Variants in NRXN1 observed in about 807,000 individuals in gnomAD.
NRXN1 encodes neurexin-1.
A neutral mutation model predicts 150.9 loss-of-function variants in NRXN1; 39 were observed. The ratio of observed to expected loss-of-function variants is 0.26; its 90% CI spans 0.20 to 0.34. NRXN1 has a LOEUF of 0.34. Ranked by LOEUF, NRXN1 falls within the 10% of genes least tolerant of loss-of-function variation. NRXN1 has a pLI of 1.00. For synonymous variants in NRXN1, 924 were observed against 757.0 expected (o/e 1.22, Z -3.62); for missense variants, 1,815 against 1,949.9 (o/e 0.93, Z 1.30).
chr2:50,867,164 C>G lies in NRXN1; in HGVS notation c.832+54705G>C, dbSNP rs528847153. Among the ~76,000 whole-genome samples the G allele has an allele frequency of 4.6e-5, 7 of 151,798 alleles. No individual in the cohort carries two copies. In the South Asian group the frequency reaches 1.2e-3, roughly 27 times the overall value. On this transcript the variant is annotated intron_variant, in intron 5 of 22. Coordinates refer to ENST00000401669, the MANE Select transcript of NRXN1 (RefSeq NM_001330078.2). ...TGTTTTTTCACTTGATGCATAAAAC[C>G]CCTAACAGATACAGAATATATTCTT...
intron 12 of NRXN1, among the ~76,000 whole-genome samples, chr2:50,523,246 G>A (rs868378574): frequency 2.0e-5 from 3 of 152,052 alleles, no homozygotes; most frequent in Non-Finnish European, 1.5e-5. Context: ...AAAAAACAAC[G>A]AGACTTCTGT....
At chr2:50,217,053 G>A (rs927148591) in intron 18 of NRXN1, among the ~76,000 whole-genome samples, 1 of 151,912 alleles carries the variant, frequency 6.6e-6, no homozygotes, top group African/African-American at 2.4e-5. Flanking sequence ...CTGTGATCGT[G>A]GTAAAACACC....
chr2:50,320,286 A>ACG (rs2075926563), intron 17 of NRXN1, among the ~76,000 whole-genome samples: 1 of 53,078 alleles, frequency 1.9e-5, no homozygotes, highest in Non-Finnish European at 3.9e-5. Flanking sequence ...CCTCAATCAT[A>ACG]TATATATATA....
chr2:50,377,143 G>C (rs1200409404), intron 17 of NRXN1, among the ~76,000 whole-genome samples: 2 of 151,966 alleles, frequency 1.3e-5, no homozygotes, highest in Non-Finnish European at 2.9e-5. Context: ...GTGCAGGTTT[G>C]TTATGAAGGC....
chr2:50,288,106 T>C (rs2072432682), intron 17 of NRXN1, among the ~76,000 whole-genome samples: 1 of 152,170 alleles, frequency 6.6e-6, no homozygotes, highest in Admixed American at 6.6e-5. Context: ...CTCTTGGATG[T>C]TCAAACAGCA....
intron 18 of NRXN1, among the ~76,000 whole-genome samples, chr2:50,192,679 T>C (rs2061521116): frequency 6.6e-6 from 1 of 152,164 alleles, no homozygotes; most frequent in South Asian, 2.1e-4. Context: ...CAATCTCTGC[T>C]CACTGCAACC....
At chr2:50,328,794 C>T (rs553339198) in intron 17 of NRXN1, among the ~76,000 whole-genome samples, 87 of 152,204 alleles carry the variant, frequency 5.7e-4, no homozygotes, top group South Asian at 1.2e-3. Flanking sequence ...TCCGTCACCG[C>T]TATAAACTTC....
At chr2:50,943,607 C>T (rs1689845603) in intron 2 of NRXN1, among the ~76,000 whole-genome samples, 1 of 152,126 alleles carries the variant, frequency 6.6e-6, no homozygotes, top group African/African-American at 2.4e-5. Flanking sequence ...ACATCTAGAA[C>T]TGTGCCCTGG....
At chr2:50,685,175 A>G (rs994500684) in intron 5 of NRXN1, among the ~76,000 whole-genome samples, 1 of 152,172 alleles carries the variant, frequency 6.6e-6, no homozygotes, top group Admixed American at 6.5e-5. Flanking sequence ...ACTTTCTTTC[A>G]TCCTAACTTC....
chr2:50,203,313 ACT>A (rs1176799099), intron 18 of NRXN1, among the ~76,000 whole-genome samples: 3 of 152,190 alleles, frequency 2.0e-5, no homozygotes, highest in Non-Finnish European at 4.4e-5. Flanking sequence ...TAGGAAACAA[ACT>A]CTGAAAAACC....
intron 5 of NRXN1, among the ~76,000 whole-genome samples, chr2:50,625,246 C>T (rs1680804518): frequency 6.6e-6 from 1 of 152,062 alleles, no homozygotes; most frequent in Non-Finnish European, 1.5e-5. Context: ...GATCTGCCTT[C>T]CTGGATGTAG....
At chr2:50,490,012 G>C (rs1200336292) in intron 15 of NRXN1, among the ~76,000 whole-genome samples, 1 of 152,194 alleles carries the variant, frequency 6.6e-6, no homozygotes, top group African/African-American at 2.4e-5. Context: ...AAAACCCGGG[G>C]ATTCAATGGA....
chr2:50,696,895 T>A (rs1289763452), intron 5 of NRXN1, among the ~76,000 whole-genome samples: 1 of 152,202 alleles, frequency 6.6e-6, no homozygotes, highest in Non-Finnish European at 1.5e-5. Flanking sequence ...CTGAGTTTAT[T>A]CACAATGAAA....
At chr2:50,710,856 G>C (rs1256617973) in intron 5 of NRXN1, among the ~76,000 whole-genome samples, 1 of 152,076 alleles carries the variant, frequency 6.6e-6, no homozygotes, top group African/African-American at 2.4e-5. Flanking sequence ...TTTTTGATAT[G>C]CCAAATTCAA....
chr2:50,959,321 G>A (rs1692775548), intron 2 of NRXN1, among the ~76,000 whole-genome samples: 1 of 151,958 alleles, frequency 6.6e-6, no homozygotes, highest in Non-Finnish European at 1.5e-5. Context: ...TGTTCAAAGT[G>A]TTATTCATAA....
chr2:50,494,504 T>A (rs920168805), intron 15 of NRXN1, among the ~76,000 whole-genome samples: 1 of 152,162 alleles, frequency 6.6e-6, no homozygotes, highest in Non-Finnish European at 1.5e-5. Flanking sequence ...AAGAAGCAGT[T>A]CTTTGAATTT....
intron 21 of NRXN1, among the ~76,000 whole-genome samples, chr2:50,040,885 C>CT (rs966721252): frequency 1.3e-5 from 2 of 151,348 alleles, no homozygotes; most frequent in Non-Finnish European, 2.9e-5. Flanking sequence ...TTAAATTACA[C>CT]TTTAAGTTTT....
At chr2:50,164,953 C>T (rs1416411273) in intron 18 of NRXN1, among the ~76,000 whole-genome samples, 1 of 152,136 alleles carries the variant, frequency 6.6e-6, no homozygotes, top group Non-Finnish European at 1.5e-5. Flanking sequence ...TACATGATCC[C>T]TGTGGCTTGA....
intron 18 of NRXN1, among the ~76,000 whole-genome samples, chr2:50,187,653 G>A (rs1377538773): frequency 6.6e-6 from 1 of 151,986 alleles, no homozygotes; most frequent in African/African-American, 2.4e-5. Flanking sequence ...GCTTCATGGG[G>A]ATGGCATTGA....
Sources: allele counts gnomAD v4.1 joint callset (sites outside exome capture counted in the v4.1 genomes callset), GRCh38; gene constraint gnomAD v4.1.1; transcripts MANE v1.5; gene names NCBI Gene and HGNC (gene_info 2026-07-23, HGNC 2026-07-21).